The following HDAC9 variants were observed in gnomAD, a reference collection of about 807,000 sequenced individuals.
The protein encoded by HDAC9 is MEF-2 interacting transcription repressor (MITR) protein.
A neutral mutation model predicts 139.4 loss-of-function variants in HDAC9; 41 were observed. That is an observed-to-expected ratio of 0.29 (90% CI 0.23 to 0.38). The LOEUF (loss-of-function observed/expected upper bound fraction) is 0.38, where lower values mean the gene tolerates loss of function less well. Ranked by LOEUF, HDAC9 falls within the 10% of genes least tolerant of loss-of-function variation. The probability of loss-of-function intolerance (pLI) is 1.00; values close to 1 mark genes in which losing one functional copy is unlikely to be tolerated. For missense variants in HDAC9, 1,147 were observed against 1,297.0 expected (o/e 0.88, Z 1.78); for synonymous variants, 517 against 476.2 (o/e 1.09, Z -1.12).
At chr7:18,199,950 GA>G (rs976415364) in intron 2 of HDAC9, among the ~76,000 whole-genome samples, 1 of 151,264 alleles carries the variant, frequency 6.6e-6, no homozygotes, top group Non-Finnish European at 1.5e-5. Flanking sequence ...AACAGAGAGA[GA>G]AAAAAAATAA....
At chr7:18,191,505 T>C (rs1790348988) in intron 2 of HDAC9, among the ~76,000 whole-genome samples, 1 of 152,250 alleles carries the variant, frequency 6.6e-6, no homozygotes, top group South Asian at 2.1e-4. Context: ...TTGAATATCA[T>C]TCTTTGTTTC....
At chr7:18,774,995 C>A (rs545257978) in intron 16 of HDAC9, among the ~76,000 whole-genome samples, 1 of 151,824 alleles carries the variant, frequency 6.6e-6, no homozygotes, top group South Asian at 2.1e-4. Context: ...TAGAGGCTAT[C>A]GTAGGGTTAT....
intron 12 of HDAC9, among the ~76,000 whole-genome samples, chr7:18,680,824 T>C (rs1483940551): frequency 1.3e-5 from 2 of 152,056 alleles, no homozygotes; most frequent in Non-Finnish European, 2.9e-5. Context: ...ATCTTGGCTT[T>C]GTTTGGTTGC....
chr7:18,220,130 G>A (rs1792593800), intron 2 of HDAC9, among the ~76,000 whole-genome samples: 1 of 151,828 alleles, frequency 6.6e-6, no homozygotes, highest in African/African-American at 2.4e-5. Flanking sequence ...AGTTGGAAGG[G>A]GAGATCTTCA....
intron 17 of HDAC9, among the ~76,000 whole-genome samples, chr7:18,827,870 A>G (rs1310758840): frequency 1.3e-5 from 2 of 152,144 alleles, no homozygotes; most frequent in African/African-American, 4.8e-5. Context: ...TCAATCTACC[A>G]TCTTAATGTT....
chr7:18,954,131 C>A lies in HDAC9; in HGVS notation c.2938-15C>A, dbSNP rs778819254. 1 of 1,521,172 alleles carries A rather than the reference C, an allele frequency of 6.6e-7. No homozygotes were observed. The highest frequency in any genetic ancestry group is 9.0e-7 in the Non-Finnish European group (1 of 1,115,608). The allele number at this position is 1,521,172 out of a possible 1,614,324, so 94.2% of individuals were successfully genotyped here. A position where few individuals can be genotyped will look rare whatever the true frequency, so the allele number is the denominator to read the frequency against. ...CATAATATTCTGCTCATACTATTAT[C>A]TACTATTCTTGCAGCTGGAGCCACT... On this transcript the variant is annotated splice_polypyrimidine_tract_variant and intron_variant, in intron 23 of 25. Coordinates refer to ENST00000686413, the MANE Select transcript of HDAC9 (RefSeq NM_178425.4).
chr7:18,508,295 A>G (rs906480695), intron 2 of HDAC9, among the ~76,000 whole-genome samples: 1 of 152,202 alleles, frequency 6.6e-6, no homozygotes, highest in Non-Finnish European at 1.5e-5. Context: ...CTTTCTAAAA[A>G]AAGTAGATTT....
At chr7:18,499,053 A>G (rs780823279) in intron 2 of HDAC9, among the ~76,000 whole-genome samples, 1 of 146,630 alleles carries the variant, frequency 6.8e-6, no homozygotes, top group East Asian at 2.1e-4. Context: ...TATGCAGACT[A>G]TCACTATAGG....
At chr7:18,220,877 C>T (rs547830044) in intron 2 of HDAC9, among the ~76,000 whole-genome samples, 12 of 152,254 alleles carry the variant, frequency 7.9e-5, no homozygotes, top group South Asian at 4.1e-4. Context: ...CATAATTTCT[C>T]ACTTATTTCC....
At chr7:18,711,877 G>T (rs752164501) in intron 12 of HDAC9, among the ~76,000 whole-genome samples, 8 of 151,942 alleles carry the variant, frequency 5.3e-5, no homozygotes, top group African/African-American at 1.9e-4. Flanking sequence ...CACTTTGTTC[G>T]GGGCTGTCCA....
At chr7:18,575,340 GA>G (rs1318802504) in intron 2 of HDAC9, among the ~76,000 whole-genome samples, 1 of 151,944 alleles carries the variant, frequency 6.6e-6, no homozygotes, top group Non-Finnish European at 1.5e-5. Context: ...TAAAATGGAA[GA>G]TTTGAAAAAA....
chr7:18,995,131 T>G (rs1290682471), intron 25 of HDAC9, among the ~76,000 whole-genome samples: 3 of 152,228 alleles, frequency 2.0e-5, no homozygotes, highest in African/African-American at 7.2e-5. Context: ...ATAAGGAACA[T>G]CATTTTGTTC....
chr7:18,749,756 G>A (rs1375150434), intron 14 of HDAC9, among the ~76,000 whole-genome samples: 1 of 151,996 alleles, frequency 6.6e-6, no homozygotes, highest in Non-Finnish European at 1.5e-5. Flanking sequence ...ATTCAGAAAG[G>A]CTCCCATCAT....
At chr7:18,351,144 A>G (rs887846236) in intron 1 of HDAC9, among the ~76,000 whole-genome samples, 1 of 152,168 alleles carries the variant, frequency 6.6e-6, no homozygotes, top group African/African-American at 2.4e-5. Flanking sequence ...AAACATAATC[A>G]CAATGATTTA....
At chr7:18,703,312 C>T (rs979790135) in intron 12 of HDAC9, among the ~76,000 whole-genome samples, 2 of 152,058 alleles carry the variant, frequency 1.3e-5, no homozygotes, top group Non-Finnish European at 2.9e-5. Context: ...AATTATATCC[C>T]TGACTTCCTA....
chr7:18,951,106 C>G (rs900467588), intron 23 of HDAC9, among the ~76,000 whole-genome samples: 2 of 151,910 alleles, frequency 1.3e-5, no homozygotes, highest in Non-Finnish European at 2.9e-5. Context: ...TCGCCTCTTT[C>G]TATAGATGAA....
chr7:18,927,354 C>G (rs1804326141), intron 22 of HDAC9, among the ~76,000 whole-genome samples: 1 of 152,090 alleles, frequency 6.6e-6, no homozygotes, highest in Non-Finnish European at 1.5e-5. Context: ...GCTTTGAAGT[C>G]CTGCTGGAGA....
intron 12 of HDAC9, among the ~76,000 whole-genome samples, chr7:18,690,923 A>G (rs1562855518): frequency 6.6e-6 from 1 of 152,024 alleles, no homozygotes; most frequent in Non-Finnish European, 1.5e-5. Context: ...CTGTTTGATC[A>G]TATACCTTGC....
chr7:18,395,318 GA>G (rs1486435206), intron 1 of HDAC9: 2 of 152,146 alleles, frequency 1.3e-5, no homozygotes, highest in African/African-American at 4.8e-5. Context: ...AGGTAATTTT[GA>G]GTATTTAATG....
Sources: allele counts gnomAD v4.1 joint callset (sites outside exome capture counted in the v4.1 genomes callset), GRCh38; gene constraint gnomAD v4.1.1; transcripts MANE v1.5; gene names NCBI Gene and HGNC (gene_info 2026-07-23, HGNC 2026-07-21).